AGGF1: variants seen among roughly 807,000 people sequenced by gnomAD.
AGGF1 encodes angiogenic factor with G patch and FHA domains 1.
AGGF1 carries 56 observed loss-of-function variants against 86.5 expected under a neutral mutation model. The ratio of observed to expected loss-of-function variants is 0.65; its 90% confidence interval spans 0.52 to 0.81. The LOEUF (loss-of-function observed/expected upper bound fraction) is 0.81. AGGF1 is among the 30% of genes least tolerant of loss of function. The probability of loss-of-function intolerance (pLI) is 0.00; values close to 1 mark genes in which losing one functional copy is unlikely to be tolerated. For missense variants in AGGF1, 816 were observed against 850.9 expected (o/e 0.96, Z 0.51); for synonymous variants, 313 against 297.1 (o/e 1.05, Z -0.55).
At chr5:77,056,873 T>A (rs1212949313) in intron 11 of AGGF1, among the ~76,000 whole-genome samples, 1 of 152,136 alleles carries the variant, frequency 6.6e-6, no homozygotes, top group Non-Finnish European at 1.5e-5. Flanking sequence ...GGTCAAAGAC[T>A]TCTATATCTA....
rs556645980 is a variant in AGGF1 at position 77,048,713 on chromosome 5, A to C, written c.1314-223A>C. ...GAGGACTAATGCAAAATGTCTACCC[A>C]AAGGAAGCACAGTCTAGGGGGAAAG... On this transcript the variant is annotated intron_variant, in intron 7 of 13. Transcript: ENST00000312916. Among the ~76,000 whole-genome samples, 7 of 152,338 alleles carry C rather than the reference A, an allele frequency of 4.6e-5. No homozygotes were observed. In the South Asian group the frequency reaches 1.2e-3, roughly 27 times the overall value.
At chr5:77,049,336 A>G (rs1250830630) in intron 8 of AGGF1, among the ~76,000 whole-genome samples, 1 of 152,148 alleles carries the variant, frequency 6.6e-6, no homozygotes, top group Non-Finnish European at 1.5e-5. Context: ...CTACTTTAGT[A>G]GGTGGTTACT....
At chr5:77,045,894 CATT>C (rs1190968835) in intron 5 of AGGF1, among the ~76,000 whole-genome samples, 9 of 152,280 alleles carry the variant, frequency 5.9e-5, no homozygotes, top group African/African-American at 2.2e-4. Flanking sequence ...TAAACTATCT[CATT>C]AATAATTTTA....
chr5:77,050,294 TTTTC>T (rs1373107884), intron 8 of AGGF1, among the ~76,000 whole-genome samples: 12 of 145,502 alleles, frequency 8.2e-5, no homozygotes, highest in Admixed American at 1.5e-4. Context: ...GGCTTTTTCT[TTTTC>T]TTTGTTTCTT....
chr5:77,055,043 G>A (rs1747436383), intron 10 of AGGF1, among the ~76,000 whole-genome samples: 1 of 152,066 alleles, frequency 6.6e-6, no homozygotes, highest in African/African-American at 2.4e-5. Flanking sequence ...CATCTTTTTT[G>A]ACATAAATTT....
At position 77,063,853 on chromosome 5, in the gene AGGF1, T is replaced by C. The variant is rs532000521; in HGVS notation, c.*601T>C. 6.5e-6 allele frequency: 1 copy of C among 154,680 alleles called. No individual in the cohort carries two copies. The highest frequency in any genetic ancestry group is 1.9e-4 in the East Asian group (1 of 5,258). The allele number at this position is 154,680 out of a possible 1,614,324, so 9.6% of individuals were successfully genotyped here. A position where few individuals can be genotyped will look rare whatever the true frequency, so the allele number is the denominator to read the frequency against. ...CTGTGAAGAATCTGTTGCTATGTACTGTATATTCAGCATTTATATTTGGTT... is the reference window on the plus strand; with the variant it reads ...CTGTGAAGAATCTGTTGCTATGTACCGTATATTCAGCATTTATATTTGGTT... On this transcript the variant is annotated 3_prime_UTR_variant, in exon 14 of 14. Transcript: ENST00000312916.
At chr5:77,060,994 C>T (rs556481256) in intron 12 of AGGF1, among the ~76,000 whole-genome samples, 1 of 152,084 alleles carries the variant, frequency 6.6e-6, no homozygotes, top group Admixed American at 6.6e-5. Flanking sequence ...ACATAAAATA[C>T]TCTTAAATTA....
chr5:77,043,172 C>CGG (rs1346421305), intron 5 of AGGF1, among the ~76,000 whole-genome samples: 1 of 53,826 alleles, frequency 1.9e-5, no homozygotes, highest in Non-Finnish European at 4.1e-5. Flanking sequence ...GGCGGCTGGC[C>CGG]GGGCGGGGGG....
At chr5:77,054,263 A>C (rs1216569084) in intron 10 of AGGF1, 133 bp downstream of exon 10, 1 of 1,093,052 alleles carries the variant, frequency 9.1e-7, no homozygotes, top group Non-Finnish European at 1.4e-6. Flanking sequence ...TTTTATACAA[A>C]GCTATCAGTC....
At position 77,036,828 on chromosome 5, in the gene AGGF1, C is replaced by G. The variant is rs192293101; in HGVS notation, c.681+108C>G. ...TCTCAGCTCACTGCAACTTTCACCC[C>G]CCAGGTTCAAGTGATTCTTATGTCT... is the stretch of plus-strand genomic sequence containing the variant. On this transcript the variant is annotated intron_variant, in intron 4 of 13. Coordinates refer to ENST00000312916, the MANE Select transcript of AGGF1 (RefSeq NM_018046.5). 7.5e-3 allele frequency: 9,319 copies of G among 1,243,602 alleles called. 50 individuals carry two copies. Among genetic ancestry groups the G allele is most frequent in the Non-Finnish European group, 9.8e-3 (8,500 of 868,846 alleles). 77.0% of individuals were successfully genotyped at this position (1,243,602 alleles called of 1,614,324 possible).
intron 8 of AGGF1, among the ~76,000 whole-genome samples, chr5:77,049,673 G>A (rs1372847078): frequency 6.7e-6 from 1 of 150,108 alleles, no homozygotes; most frequent in Non-Finnish European, 1.5e-5. Context: ...CCTCAGCCCC[G>A]AAGGTAGCTG....
At chr5:77,052,593 A>G (rs537111020) in intron 8 of AGGF1, 113 bp from the exon 9 acceptor site, 91 of 699,880 alleles carry the variant, frequency 1.3e-4, no homozygotes, top group Middle Eastern at 1.2e-3. Context: ...AGTATTAAGT[A>G]TAATAAAATT....
rs762334202 is a variant in AGGF1, at chr5:77,063,131, A to C, written c.2024A>C (p.Gln675Pro). 1.8e-4 allele frequency: 297 copies of C among 1,614,002 alleles called. 2 individuals carry two copies. In the Admixed American group the frequency reaches 4.9e-3, roughly 27 times the overall value. ...TCATTTGAAGATGTTCACCTTCTCCAAAACAAGAACAAAAAAAACTGGGAC... is the reference window on the plus strand; with the variant it reads ...TCATTTGAAGATGTTCACCTTCTCCCAAACAAGAACAAAAAAAACTGGGAC... ...PSSFEDVHLL[Q>P]NKNKKNWDKA... is the part of the protein sequence containing the mutation. The change falls in exon 14 of 14, where the codon CAA (glutamine) becomes CCA (proline). Residue 675 changes from glutamine to proline, a missense_variant. Coordinates refer to ENST00000312916, the MANE Select transcript of AGGF1 (RefSeq NM_018046.5).
intron 5 of AGGF1, among the ~76,000 whole-genome samples, chr5:77,045,512 A>G (rs2150731250): frequency 6.6e-6 from 1 of 152,346 alleles, no homozygotes; most frequent in Non-Finnish European, 1.5e-5. Context: ...TAAATAATAA[A>G]AGACTTATGC....
chr5:77,042,916 C>G (rs1747146490), intron 5 of AGGF1, among the ~76,000 whole-genome samples: 1 of 60,910 alleles, frequency 1.6e-5, no homozygotes, highest in African/African-American at 5.2e-5. Context: ...GGGCCGACAC[C>G]CCCACCTCCC....
At chr5:77,061,087 A>G (rs1210758255) in intron 12 of AGGF1, among the ~76,000 whole-genome samples, 1 of 152,230 alleles carries the variant, frequency 6.6e-6, no homozygotes, top group Non-Finnish European at 1.5e-5. Flanking sequence ...TGTAACATGT[A>G]CAGAAAATTA....
intron 1 of AGGF1, among the ~76,000 whole-genome samples, chr5:77,032,563 C>CAAAAAAAAAAAAAAAA: frequency 1.1e-5 from 1 of 94,212 alleles, no homozygotes; most frequent in Non-Finnish European, 2.0e-5. Flanking sequence ...GACTCCGTCT[C>CAAAAAAAAAAAAAAAA]AAAAAAAAAA....
chr5:77,031,207 T>C (rs1386794986), intron 1 of AGGF1, among the ~76,000 whole-genome samples: 1 of 152,266 alleles, frequency 6.6e-6, no homozygotes, highest in Non-Finnish European at 1.5e-5. Context: ...TGAACTTAAG[T>C]ACTGTGGCTA....
At chr5:77,038,164 C>G (rs999168466) in intron 4 of AGGF1, among the ~76,000 whole-genome samples, 1 of 152,102 alleles carries the variant, frequency 6.6e-6, no homozygotes, top group African/African-American at 2.4e-5. Flanking sequence ...ATATGGTAAA[C>G]TGTAAGTCCT....
Sources: gnomAD v4.1 joint callset for allele counts (sites outside exome capture counted in the v4.1 genomes callset) on GRCh38, gnomAD v4.1.1 for gene constraint, MANE v1.5 for transcripts, NCBI Gene and HGNC (gene_info 2026-07-23, HGNC 2026-07-21) for gene names.